The following LRMDA variants were observed in gnomAD, a reference collection of about 807,000 sequenced individuals.
LRMDA encodes the protein leucine rich melanocyte differentiation associated, also known as leucine-rich melanocyte differentiation-associated protein.
Under a neutral mutation model 29.8 loss-of-function variants are expected in LRMDA, and 18 were observed. That is an observed-to-expected ratio of 0.60 (90% CI 0.42 to 0.90). The LOEUF is 0.90. Ranked by LOEUF, LRMDA falls within the 40% of genes least tolerant of loss-of-function variation. The probability of loss-of-function intolerance (pLI) is 0.00; values close to 1 mark genes in which losing one functional copy is unlikely to be tolerated. For missense variants in LRMDA, 273 were observed against 273.9 expected, an observed-to-expected ratio of 1.00 and a Z score of 0.02; for synonymous variants, 125 against 109.4, an observed-to-expected ratio of 1.14 and a Z score of -0.89.
At chr10:75,891,224 T>C (rs902972684) in intron 2 of LRMDA, among the ~76,000 whole-genome samples, 1 of 152,130 alleles carries the variant, frequency 6.6e-6, no homozygotes, top group Non-Finnish European at 1.5e-5. Flanking sequence ...TGCCCTTCCC[T>C]GTAGGAAGAA....
chr10:76,147,849 A>G (rs918298618), intron 5 of LRMDA, among the ~76,000 whole-genome samples: 1 of 152,104 alleles, frequency 6.6e-6, no homozygotes, highest in Non-Finnish European at 1.5e-5. Flanking sequence ...ATGGTGACGT[A>G]CAGATGCACT....
chr10:76,510,721 CT>C (rs1435604448), intron 6 of LRMDA, among the ~76,000 whole-genome samples: 2 of 152,166 alleles, frequency 1.3e-5, no homozygotes, highest in East Asian at 3.9e-4. Flanking sequence ...CTCGTGATCG[CT>C]GTTGAGATGA....
intron 2 of LRMDA, among the ~76,000 whole-genome samples, chr10:75,698,286 T>C (rs1176883315): frequency 6.6e-6 from 1 of 152,132 alleles, no homozygotes; most frequent in Non-Finnish European, 1.5e-5. Context: ...CTGTGCTACT[T>C]TAGGCAACTC....
chr10:75,537,687 G>A (rs1839966026), intron 2 of LRMDA, among the ~76,000 whole-genome samples: 1 of 152,248 alleles, frequency 6.6e-6, no homozygotes, highest in African/African-American at 2.4e-5. Flanking sequence ...GGGGGCCGGG[G>A]AGAGCATTTG....
intron 5 of LRMDA, among the ~76,000 whole-genome samples, chr10:76,062,053 C>G (rs757512933): frequency 2.0e-5 from 3 of 152,168 alleles, no homozygotes; most frequent in Non-Finnish European, 4.4e-5. Context: ...TATACATATG[C>G]ATGTTCTGGG....
intron 2 of LRMDA, among the ~76,000 whole-genome samples, chr10:75,631,404 C>T (rs1028411013): frequency 2.2e-5 from 3 of 135,642 alleles, no homozygotes; most frequent in Admixed American, 1.4e-4. Flanking sequence ...CCTCACTGCA[C>T]CCCCCCCGCC....
chr10:76,318,659 A>G (rs2132389758), intron 5 of LRMDA: 1 of 152,470 alleles, frequency 6.6e-6, no homozygotes, highest in East Asian at 1.9e-4. Context: ...CTGGCTCTAG[A>G]CAGGATATGG....
Position 75,780,927 on chromosome 10 carries a change from A to G in LRMDA, c.132-255081A>G, listed in dbSNP as rs61729562. On this transcript the variant is annotated intron_variant, in intron 2 of 6. Transcript: ENST00000611255. Reference sequence around the variant, plus strand: ...TAGCAATTTCAAGCTCAAACTTGCCATTACCTAAAGGAATAAGTCTTAACT... The same window carrying G: ...TAGCAATTTCAAGCTCAAACTTGCCGTTACCTAAAGGAATAAGTCTTAACT... Among the ~76,000 whole-genome samples the G allele has an allele frequency of 3.9e-3, 596 of 152,342 alleles. 4 individuals carry two copies. Among genetic ancestry groups the G allele is most frequent in the African/African-American group, 0.012 (481 of 41,584 alleles).
At chr10:75,662,853 A>G (rs1173310800) in intron 2 of LRMDA, among the ~76,000 whole-genome samples, 1 of 152,238 alleles carries the variant, frequency 6.6e-6, no homozygotes, top group Non-Finnish European at 1.5e-5. Flanking sequence ...ACAGAAAGAC[A>G]TAACTCACTT....
intron 2 of LRMDA, among the ~76,000 whole-genome samples, chr10:75,816,948 A>T (rs75932874): frequency 0.027 from 4,184 of 152,328 alleles, 94 homozygotes; most frequent in East Asian, 0.099. Flanking sequence ...ACCTGAGCTT[A>T]TGGATCTTCA....
At chr10:75,658,453 G>A (rs1164003457) in intron 2 of LRMDA, among the ~76,000 whole-genome samples, 2 of 151,980 alleles carry the variant, frequency 1.3e-5, no homozygotes, top group Non-Finnish European at 2.9e-5. Flanking sequence ...ATAGCAAAAG[G>A]TTTCTTTTTT....
rs61439349 is a variant in LRMDA at position 76,299,189 on chromosome 10, G to GTGTA, written c.517-25212_517-25211insTGTA. The stretch of plus-strand genomic sequence containing the variant: ...TGTGTGTGTGTGTGTGTGTGTGTGT[G>GTGTA]CATGCACGCACGCGCAATATGTTTT... On this transcript the variant is annotated intron_variant, in intron 5 of 6. Transcript: ENST00000611255. Among the ~76,000 whole-genome samples, 6 of 148,170 alleles carry GTGTA rather than the reference G, an allele frequency of 4.0e-5. No individual in the cohort carries two copies. In the South Asian group the frequency reaches 1.3e-3, roughly 32 times the overall value.
chr10:75,603,621 G>A (rs1051667327), intron 2 of LRMDA, among the ~76,000 whole-genome samples: 2 of 152,048 alleles, frequency 1.3e-5, no homozygotes, highest in Non-Finnish European at 2.9e-5. Context: ...CTGGCCATTA[G>A]TCTCAGAAAA....
chr10:76,018,572 T>G (rs1013271912), intron 2 of LRMDA, among the ~76,000 whole-genome samples: 7 of 150,612 alleles, frequency 4.6e-5, no homozygotes, highest in Non-Finnish European at 8.9e-5. Context: ...CTGAAGTTTT[T>G]TTTTTTTTTT....
intron 2 of LRMDA, among the ~76,000 whole-genome samples, chr10:75,819,204 G>A (rs1418182756): frequency 6.6e-6 from 1 of 152,194 alleles, no homozygotes; most frequent in South Asian, 2.1e-4. Flanking sequence ...GTGGGAGGAG[G>A]ATTATGTTTA....
At chr10:76,540,423 A>ATTTTAG (rs1843341285) in intron 6 of LRMDA, among the ~76,000 whole-genome samples, 4 of 152,258 alleles carry the variant, frequency 2.6e-5, no homozygotes, top group Non-Finnish European at 5.9e-5. Flanking sequence ...CAAAGCCTCT[A>ATTTTAG]AAATACAAAA....
intron 5 of LRMDA, among the ~76,000 whole-genome samples, chr10:76,065,841 A>G (rs1446023958): frequency 2.6e-5 from 4 of 152,224 alleles, no homozygotes; most frequent in Non-Finnish European, 5.9e-5. Context: ...TGCGAGTGGA[A>G]GTGACAGCAT....
At chr10:76,009,589 C>A (rs1589287039) in intron 2 of LRMDA, among the ~76,000 whole-genome samples, 2 of 152,288 alleles carry the variant, frequency 1.3e-5, no homozygotes, top group East Asian at 3.9e-4. Flanking sequence ...GGACTCTCTG[C>A]GTTACCTTCC....
At chr10:75,515,498 CAGT>C (rs1845278635) in intron 2 of LRMDA, among the ~76,000 whole-genome samples, 1 of 152,148 alleles carries the variant, frequency 6.6e-6, no homozygotes, top group African/African-American at 2.4e-5. Context: ...TCAGCCTTCT[CAGT>C]AGCTGGGACT....
Sources: allele counts gnomAD v4.1 joint callset (sites outside exome capture counted in the v4.1 genomes callset), GRCh38; gene constraint gnomAD v4.1.1; transcripts MANE v1.5; gene names NCBI Gene and HGNC (gene_info 2026-07-23, HGNC 2026-07-21).